Variants in FBN2 observed in about 807,000 individuals in gnomAD.
The protein encoded by FBN2 is fibrillin 2, also known as fibrillin-2.
Under a neutral mutation model 355.6 loss-of-function variants are expected in FBN2, and 105 were observed. The ratio of observed to expected loss-of-function variants is 0.30; its 90% confidence interval spans 0.25 to 0.35. FBN2 has a LOEUF of 0.35. Among genes scored for constraint, FBN2 ranks in the 10% least tolerant of loss-of-function variants. FBN2 has a pLI of 1.00. For synonymous variants in FBN2, 1,350 were observed against 1,301.2 expected, an observed-to-expected ratio of 1.04 and a Z score of -0.81; for missense variants, 3,280 against 3,758.7, an observed-to-expected ratio of 0.87 and a Z score of 3.33.
intron 7 of FBN2, among the ~76,000 whole-genome samples, chr5:128,430,956 C>G (rs1395097907): frequency 6.6e-6 from 1 of 152,192 alleles, no homozygotes; most frequent in East Asian, 1.9e-4. Context: ...TGACTCATAT[C>G]CCATGTAGTG....
chr5:128,361,326 A>G (rs769510883), intron 19 of FBN2, among the ~76,000 whole-genome samples: 8 of 152,222 alleles, frequency 5.3e-5, no homozygotes, highest in Non-Finnish European at 7.3e-5. Flanking sequence ...CATAAATAAA[A>G]TGCCTAAGAG....
At chr5:128,505,557 A>G (rs1235795234) in intron 5 of FBN2, among the ~76,000 whole-genome samples, 4 of 152,154 alleles carry the variant, frequency 2.6e-5, no homozygotes, top group Admixed American at 2.6e-4. Flanking sequence ...CATCATTACA[A>G]CCTATATAAC....
chr5:128,506,596 A>C (rs12658318), intron 5 of FBN2, among the ~76,000 whole-genome samples: 10,237 of 152,204 alleles, frequency 0.067, 1,176 homozygotes, highest in East Asian at 0.61. Context: ...CATCATCTAC[A>C]AGTAAAACAA....
chr5:128,426,794 G>T (rs1056941014), intron 7 of FBN2, among the ~76,000 whole-genome samples: 1 of 152,102 alleles, frequency 6.6e-6, no homozygotes, highest in African/African-American at 2.4e-5. Context: ...TTGCAGTAAG[G>T]ACGTGAGAGG....
intron 5 of FBN2, among the ~76,000 whole-genome samples, chr5:128,489,027 G>A (rs1469402265): frequency 2.0e-5 from 3 of 151,998 alleles, no homozygotes; most frequent in African/African-American, 7.3e-5. Flanking sequence ...GTAATGGGAT[G>A]GCTGGGTCAA....
intron 5 of FBN2, among the ~76,000 whole-genome samples, chr5:128,479,930 GTCTCTCTCTCTCTCTC>G (rs1180726296): frequency 6.9e-4 from 40 of 58,114 alleles, no homozygotes; most frequent in East Asian, 1.7e-3. Flanking sequence ...TTGTCTCCTT[GTCTCTCTCTCTCTCTC>G]TCTCTCTCTC....
intron 5 of FBN2, among the ~76,000 whole-genome samples, chr5:128,513,977 G>A (rs1305062039): frequency 6.6e-6 from 1 of 152,044 alleles, no homozygotes; most frequent in Non-Finnish European, 1.5e-5. Context: ...AGCTTAGAGA[G>A]TGCAAGGTTA....
intron 48 of FBN2, among the ~76,000 whole-genome samples, chr5:128,298,210 T>C (rs1478816883): frequency 6.6e-6 from 1 of 152,164 alleles, no homozygotes; most frequent in African/African-American, 2.4e-5. Context: ...AGATCCGCTG[T>C]TAGTCTGATG....
rs778549338 is a variant in FBN2 at position 128,274,574 on chromosome 5, A to G, written c.7704T>C (p.Ala2568=). Reference sequence around the variant, plus strand: ...TTTGTAACTTTGTCTTACCGATACAAGCAGTGTGATGCTGTGTGAAACCAG... The same window carrying G: ...TTTGTAACTTTGTCTTACCGATACAGGCAGTGTGATGCTGTGTGAAACCAG... ...CPPGFTQHHT[A]CIDNNECGSQ... is the part of the protein sequence containing the mutation. Residue 2568 remains alanine (A), a synonymous_variant, in exon 60 of 65, where the codon GCT becomes GCC. Transcript: ENST00000262464. The G allele has an allele frequency of 6.3e-7, 1 of 1,585,890 alleles. No individual in the cohort carries two copies. Among genetic ancestry groups the G allele is most frequent in the Non-Finnish European group, 8.7e-7 (1 of 1,154,286 alleles).
At chr5:128,318,753 T>C (rs1306271914) in intron 35 of FBN2, 126 bp downstream of exon 35, 5 of 909,860 alleles carry the variant, frequency 5.5e-6, no homozygotes, top group Non-Finnish European at 6.8e-6. Flanking sequence ...TATAATTTTC[T>C]TTTTCTGAAA....
intron 6 of FBN2, among the ~76,000 whole-genome samples, chr5:128,449,265 A>G (rs1457019335): frequency 6.7e-6 from 1 of 149,440 alleles, no homozygotes; most frequent in Admixed American, 6.7e-5. Context: ...TTATTACATT[A>G]TAAGTGAAGT....
chr5:128,348,813 TATA>T (rs1276700911), intron 23 of FBN2, among the ~76,000 whole-genome samples: 4 of 152,192 alleles, frequency 2.6e-5, no homozygotes, highest in Non-Finnish European at 5.9e-5. Flanking sequence ...TCACTATTCC[TATA>T]ATATGCTGTT....
chr5:128,454,426 G>A (rs1241675879), intron 6 of FBN2, among the ~76,000 whole-genome samples: 4 of 152,140 alleles, frequency 2.6e-5, no homozygotes, highest in Admixed American at 6.5e-5. Flanking sequence ...TAATGATCTC[G>A]TTAACTTGGT....
rs2126835737 is a variant in FBN2 at position 128,302,838 on chromosome 5, G to A, written c.5917+135C>T. 3 of 689,568 alleles carry A rather than the reference G, an allele frequency of 4.4e-6. No homozygotes were observed. The South Asian group carries it at 4.9e-5, about 11-fold the overall frequency. 42.7% of individuals were successfully genotyped at this position (689,568 alleles called of 1,614,324 possible). ...TTCAGTTAACTAGAAACCAGTCAAT[G>A]AAATTATATATCTTTTGGCACATAT... is the stretch of plus-strand genomic sequence containing the variant. On this transcript the variant is annotated intron_variant, in intron 46 of 64. Coordinates refer to ENST00000262464, the MANE Select transcript of FBN2 (RefSeq NM_001999.4).
chr5:128,362,513 T>G (rs1358393956), intron 18 of FBN2, among the ~76,000 whole-genome samples: 1 of 152,238 alleles, frequency 6.6e-6, no homozygotes, highest in Admixed American at 6.5e-5. Context: ...CTGGTTATAG[T>G]GCACTGGTGC....
At chr5:128,319,047 T>C (rs1750292751) in intron 34 of FBN2, 46 bp from the exon 35 acceptor site, 1 of 1,485,916 alleles carries the variant, frequency 6.7e-7, no homozygotes, top group African/African-American at 1.4e-5. Context: ...GAAGACATTT[T>C]AAAATTTTAA....
intron 7 of FBN2, among the ~76,000 whole-genome samples, chr5:128,418,532 G>C (rs558300017): frequency 7.2e-5 from 11 of 152,072 alleles, no homozygotes; most frequent in Admixed American, 7.2e-4. Context: ...CATAGGTTTT[G>C]GTATGTTGCG....
chr5:128,511,885 C>T (rs1756139421), intron 5 of FBN2, among the ~76,000 whole-genome samples: 1 of 152,046 alleles, frequency 6.6e-6, no homozygotes, highest in Non-Finnish European at 1.5e-5. Context: ...TAAACTCTAC[C>T]TATATATGAG....
At chr5:128,512,143 T>G (rs572197370) in intron 5 of FBN2, among the ~76,000 whole-genome samples, 1 of 152,282 alleles carries the variant, frequency 6.6e-6, no homozygotes, top group African/African-American at 2.4e-5. Flanking sequence ...ATAGTGAAAC[T>G]TACGCTGTTC....
Sources: gnomAD v4.1 joint callset for allele counts (sites outside exome capture counted in the v4.1 genomes callset) on GRCh38, gnomAD v4.1.1 for gene constraint, MANE v1.5 for transcripts, NCBI Gene and HGNC (gene_info 2026-07-23, HGNC 2026-07-21) for gene names.